MPDZ: variants seen among roughly 807,000 people sequenced by gnomAD.
MPDZ encodes the protein multiple PDZ domain protein.
MPDZ carries 234 observed loss-of-function variants against 239.1 expected under a neutral mutation model. The ratio of observed to expected loss-of-function variants is 0.98; its 90% CI spans 0.88 to 1.09. MPDZ has a LOEUF of 1.09. MPDZ is among the 50% of genes least tolerant of loss of function. The probability of loss-of-function intolerance (pLI) is 0.00; values close to 1 mark genes in which losing one functional copy is unlikely to be tolerated. For missense variants in MPDZ, 3,175 were observed against 2,510.0 expected (o/e 1.26, Z -5.66); for synonymous variants, 1,048 against 881.3 (o/e 1.19, Z -3.35).
intron 19 of MPDZ, among the ~76,000 whole-genome samples, chr9:13,180,219 A>G (rs868735324): frequency 6.6e-6 from 1 of 152,194 alleles, no homozygotes; most frequent in African/African-American, 2.4e-5. Flanking sequence ...ATGCTAGACA[A>G]TGACACTAAG....
chr9:13,161,556 A>G (rs1363520796), intron 23 of MPDZ, among the ~76,000 whole-genome samples: 1 of 152,014 alleles, frequency 6.6e-6, no homozygotes, highest in African/African-American at 2.4e-5. Context: ...CTGGGCAACA[A>G]GAGTGAAACT....
intron 25 of MPDZ, among the ~76,000 whole-genome samples, chr9:13,149,819 T>G (rs1039310169): frequency 6.6e-6 from 1 of 152,098 alleles, no homozygotes; most frequent in Non-Finnish European, 1.5e-5. Flanking sequence ...TGCACATACA[T>G]GTGCACACAC....
At chr9:13,222,553 C>T (rs1038669908) in intron 5 of MPDZ, 107 bp from the exon 6 acceptor site, 11 of 881,336 alleles carry the variant, frequency 1.2e-5, no homozygotes, top group African/African-American at 1.7e-5. Context: ...TTTTTAATTC[C>T]CACACTCTAA....
At chr9:13,111,995 G>C in intron 43 of MPDZ, 29 bp downstream of exon 43, 1 of 1,608,270 alleles carries the variant, frequency 6.2e-7, no homozygotes, top group Non-Finnish European at 8.5e-7. Context: ...CATTTTGCTA[G>C]GGCTTCTAGG....
At chr9:13,244,512 T>C (rs1249030485) in intron 3 of MPDZ, among the ~76,000 whole-genome samples, 1 of 152,168 alleles carries the variant, frequency 6.6e-6, no homozygotes, top group African/African-American at 2.4e-5. Flanking sequence ...TTTAATAGCA[T>C]GCATCCTTTT....
intron 5 of MPDZ, 80 bp from the exon 6 acceptor site, chr9:13,222,526 A>G: frequency 8.9e-7 from 1 of 1,127,526 alleles, no homozygotes; most frequent in Non-Finnish European, 1.3e-6. Context: ...TGTATGTTCA[A>G]GTCATTTTTA....
At chr9:13,264,068 G>C (rs576065686) in intron 1 of MPDZ, among the ~76,000 whole-genome samples, 1 of 152,070 alleles carries the variant, frequency 6.6e-6, no homozygotes, top group Non-Finnish European at 1.5e-5. Context: ...TTCTAATGGA[G>C]GGAGTGAAGC....
Position 13,206,107 on chromosome 9 carries a change from TAAAA to T in MPDZ, c.1291-12_1291-9del, listed in dbSNP as rs368811859. The T allele has an allele frequency of 1.9e-5, 27 of 1,414,942 alleles. No homozygotes were observed. The highest frequency in any genetic ancestry group is 1.5e-4 in the Admixed American group (6 of 39,752). The allele number at this position is 1,414,942 out of a possible 1,614,324, so 87.6% of individuals were successfully genotyped here. On this transcript the variant is annotated splice_polypyrimidine_tract_variant and intron_variant, in intron 10 of 46. Transcript: ENST00000319217. The stretch of plus-strand genomic sequence containing the variant: ...AAGGTTTGTGCCATCTACCTGTGAT[TAAAA>T]AAAAAAAAAAGCATGTTACATGTTA...
intron 6 of MPDZ, 88 bp from the exon 7 acceptor site, chr9:13,221,588 TTAA>T: frequency 7.2e-7 from 1 of 1,383,766 alleles, no homozygotes; most frequent in Non-Finnish European, 9.7e-7. Context: ...GATTATTTTG[TTAA>T]TATTAAATAA....
chr9:13,177,500 T>C (rs914465150), intron 19 of MPDZ, among the ~76,000 whole-genome samples: 12 of 152,180 alleles, frequency 7.9e-5, no homozygotes, highest in Non-Finnish European at 8.8e-5. Flanking sequence ...GATATACATA[T>C]ATATTTTTAA....
intron 25 of MPDZ, among the ~76,000 whole-genome samples, chr9:13,149,551 G>A (rs1948881399): frequency 6.6e-6 from 1 of 152,000 alleles, no homozygotes; most frequent in Admixed American, 6.6e-5. Flanking sequence ...TTATCCCAAT[G>A]AAATAATTTA....
At chr9:13,250,276 T>A in intron 2 of MPDZ, 24 bp downstream of exon 2, 1 of 1,589,226 alleles carries the variant, frequency 6.3e-7, no homozygotes, top group South Asian at 1.1e-5. Context: ...CTTATAAAAG[T>A]AGGCAGAAAA....
chr9:13,159,303 C>T (rs1045402391), intron 23 of MPDZ, among the ~76,000 whole-genome samples: 5 of 152,026 alleles, frequency 3.3e-5, no homozygotes, highest in East Asian at 1.9e-4. Context: ...TAGGTCCTAC[C>T]CATTGGTTTT....
intron 38 of MPDZ, 137 bp downstream of exon 38, chr9:13,121,602 T>C: frequency 1.2e-6 from 1 of 855,370 alleles, no homozygotes. Flanking sequence ...TTATGGTTCC[T>C]TAGTGAGGGG....
intron 5 of MPDZ, among the ~76,000 whole-genome samples, chr9:13,223,099 T>G (rs985483322): frequency 1.3e-5 from 2 of 152,074 alleles, no homozygotes; most frequent in Admixed American, 6.6e-5. Flanking sequence ...GTGCACAGGC[T>G]ATATACAAAT....
chr9:13,271,368 A>G (rs1972918719), intron 1 of MPDZ, among the ~76,000 whole-genome samples: 1 of 152,180 alleles, frequency 6.6e-6, no homozygotes, highest in Non-Finnish European at 1.5e-5. Flanking sequence ...CATCAGTATT[A>G]TTTTGAACTG....
intron 10 of MPDZ, among the ~76,000 whole-genome samples, chr9:13,207,758 T>C (rs533987358): frequency 4.6e-5 from 7 of 152,204 alleles, no homozygotes; most frequent in Non-Finnish European, 8.8e-5. Context: ...TTTTTCCTTA[T>C]AGTAGTGTCA....
Position 13,196,917 on chromosome 9 carries a change from C to T in MPDZ, c.1547-687G>A, listed in dbSNP as rs554499762. Among the ~76,000 whole-genome samples, 15 of 151,792 alleles carry T rather than the reference C, an allele frequency of 9.9e-5. 1 individual carries two copies. The highest frequency in any genetic ancestry group is 3.1e-4 in the African/African-American group (13 of 41,400). On this transcript the variant is annotated intron_variant, in intron 12 of 46. Transcript: ENST00000319217. ...TCCATATTTCATAACAGTTCTTACT[C>T]GTAAGATTTGTCTTTTTAAAATCTC...
rs147230445 is a variant in MPDZ at position 13,247,342 on chromosome 9, C to A, written c.183+293G>T. On this transcript the variant is annotated intron_variant, in intron 3 of 46. Coordinates refer to ENST00000319217, the MANE Select transcript of MPDZ (RefSeq NM_001378778.1). ...GTGATGATGGAAACTAAGTCTACAGCCAACCATCCTAAACATATTTTTATC... is the reference window on the plus strand; with the variant it reads ...GTGATGATGGAAACTAAGTCTACAGACAACCATCCTAAACATATTTTTATC... Among the ~76,000 whole-genome samples, 193 of 152,262 alleles carry A rather than the reference C, an allele frequency of 1.3e-3. 1 individual carries two copies. The highest frequency in any genetic ancestry group is 4.3e-3 in the African/African-American group (179 of 41,566).
Sources: allele counts gnomAD v4.1 joint callset (sites outside exome capture counted in the v4.1 genomes callset), GRCh38; gene constraint gnomAD v4.1.1; transcripts MANE v1.5; gene names NCBI Gene and HGNC (gene_info 2026-07-23, HGNC 2026-07-21).